Variants in LOC400499 observed in about 807,000 individuals in gnomAD.
At chr16:11,521,740 T>C in the LOC400499 span, among the ~76,000 whole-genome samples, 1 of 152,182 alleles carries the variant, frequency 6.6e-6, no homozygotes, top group Non-Finnish European at 1.5e-5. Flanking sequence ...ACCTCTGCTA[T>C]TCCCCGATTG....
chr16:11,404,534 A>G, the LOC400499 span, among the ~76,000 whole-genome samples: 2 of 152,142 alleles, frequency 1.3e-5, no homozygotes, highest in Non-Finnish European at 2.9e-5. Context: ...TTTAGTAGAG[A>G]TGGGGTTTCA....
chr16:11,444,500 G>A, the LOC400499 span, among the ~76,000 whole-genome samples: 16 of 152,176 alleles, frequency 1.1e-4, no homozygotes, highest in African/African-American at 2.7e-4. Context: ...AGCCACGCCC[G>A]TTCATTACGT....
the LOC400499 span, among the ~76,000 whole-genome samples, chr16:11,391,143 T>A: frequency 6.6e-6 from 1 of 152,208 alleles, no homozygotes; most frequent in Admixed American, 6.5e-5. Flanking sequence ...GGAGGTAACA[T>A]TCAACAGCCA....
At chr16:11,411,334 G>C in the LOC400499 span, 1 of 399,220 alleles carries the variant, frequency 2.5e-6, no homozygotes. Context: ...TTTGCTAGAA[G>C]GAAGGAAAGA....
the LOC400499 span, among the ~76,000 whole-genome samples, chr16:11,382,495 G>C: frequency 6.6e-6 from 1 of 152,194 alleles, no homozygotes; most frequent in Admixed American, 6.5e-5. Context: ...CTGTCTCCAG[G>C]TAGCTGGTGT....
the LOC400499 span, chr16:11,402,178 C>T: frequency 5.8e-5 from 23 of 399,098 alleles, no homozygotes; most frequent in East Asian, 8.2e-4. Flanking sequence ...TGAGGACACA[C>T]ACAAAGGGTA....
chr16:11,441,066 C>A, the LOC400499 span: 1 of 399,068 alleles, frequency 2.5e-6, no homozygotes, highest in Non-Finnish European at 4.4e-6. Flanking sequence ...CTCGACCTCT[C>A]TGTTCTTAGC....
chr16:11,461,958 G>C, the LOC400499 span, among the ~76,000 whole-genome samples: 1 of 152,206 alleles, frequency 6.6e-6, no homozygotes, highest in African/African-American at 2.4e-5. Flanking sequence ...TGGAGGTTGG[G>C]GGAGGTTCTG....
At chr16:11,505,440 CTTTTCTT>C in the LOC400499 span, among the ~76,000 whole-genome samples, 2 of 75,304 alleles carry the variant, frequency 2.7e-5, no homozygotes, top group Non-Finnish European at 5.7e-5. Flanking sequence ...TTTAATTTTT[CTTTTCTT>C]TTTTTTTTTT....
chr16:11,387,230 C>G, the LOC400499 span: 8 of 1,232,334 alleles, frequency 6.5e-6, no homozygotes, highest in Non-Finnish European at 7.1e-6. Context: ...GCTGGTCACC[C>G]GGGCCACGTC....
the LOC400499 span, among the ~76,000 whole-genome samples, chr16:11,459,162 G>C: frequency 6.8e-6 from 1 of 148,124 alleles, no homozygotes; most frequent in Admixed American, 6.7e-5. Flanking sequence ...GACTGGATGT[G>C]AAAAGGGAAA....
the LOC400499 span, among the ~76,000 whole-genome samples, chr16:11,419,230 T>A: frequency 1.3e-5 from 2 of 151,638 alleles, no homozygotes; most frequent in Non-Finnish European, 2.9e-5. Flanking sequence ...CAAAACAGCA[T>A]GGTACTGGTA....
the LOC400499 span, among the ~76,000 whole-genome samples, chr16:11,514,870 T>G: frequency 4.6e-5 from 7 of 152,150 alleles, no homozygotes; most frequent in African/African-American, 1.7e-4. Context: ...GAGGCCCACC[T>G]CCACCTCTTA....
the LOC400499 span, among the ~76,000 whole-genome samples, chr16:11,386,792 G>A: frequency 6.6e-5 from 10 of 152,328 alleles, no homozygotes; most frequent in East Asian, 1.3e-3. Flanking sequence ...GCTACAGGTC[G>A]CCTCTGACCG....
the LOC400499 span, chr16:11,404,862 C>T: frequency 4.8e-5 from 19 of 398,946 alleles, no homozygotes; most frequent in African/African-American, 3.3e-4. Context: ...GGGAAGAGCG[C>T]TGAGCTGGAA....
chr16:11,457,050 C>T, the LOC400499 span: 1 of 1,506,962 alleles, frequency 6.6e-7, no homozygotes, highest in Non-Finnish European at 8.8e-7. Context: ...CTGGAGAATG[C>T]CCACCCCCCC....
At chr16:11,425,118 G>A in the LOC400499 span, 6 of 398,974 alleles carry the variant, frequency 1.5e-5, no homozygotes, top group Non-Finnish European at 2.2e-5. Context: ...TGGACCACTC[G>A]TCCTACCTGC....
chr16:11,411,958 A>G, the LOC400499 span, among the ~76,000 whole-genome samples: 2 of 150,908 alleles, frequency 1.3e-5, no homozygotes, highest in African/African-American at 4.9e-5. Context: ...GATCTCCCAG[A>G]CTCAAGTGAT....
chr16:11,406,496 A>G, the LOC400499 span, among the ~76,000 whole-genome samples: 1 of 152,184 alleles, frequency 6.6e-6, no homozygotes. Flanking sequence ...GCAACGGCGC[A>G]ATCTCGGCTC....
Sources: allele counts gnomAD v4.1 joint callset (sites outside exome capture counted in the v4.1 genomes callset), GRCh38; gene constraint gnomAD v4.1.1; transcripts MANE v1.5.